Variants in RAB29 observed in about 807,000 individuals in gnomAD.
RAB29 encodes the protein ras-related protein Rab-29.
RAB29 carries 13 observed loss-of-function variants against 25.5 expected under a neutral mutation model. The ratio of observed to expected loss-of-function variants is 0.51; its 90% CI spans 0.33 to 0.81. The LOEUF is 0.81. Among genes scored for constraint, RAB29 ranks in the 30% least tolerant of loss-of-function variants. The probability of loss-of-function intolerance (pLI) is 0.02; values close to 1 mark genes in which losing one functional copy is unlikely to be tolerated. For synonymous variants in RAB29, 88 were observed against 95.0 expected (o/e 0.93, Z 0.43); for missense variants, 201 against 254.9 (o/e 0.79, Z 1.44).
At chr1:205,772,741 G>A (rs1223960047) in intron 2 of RAB29, among the ~76,000 whole-genome samples, 174 bp from the exon 3 acceptor site, 2 of 152,126 alleles carry the variant, frequency 1.3e-5, no homozygotes, top group Admixed American at 6.5e-5. Flanking sequence ...TTTAGTGTGA[G>A]ATGGATGATT....
At chr1:205,771,914 T>G (rs1227656383) in intron 3 of RAB29, among the ~76,000 whole-genome samples, 2 of 152,064 alleles carry the variant, frequency 1.3e-5, no homozygotes, top group East Asian at 3.9e-4. Flanking sequence ...GCTTCAGATT[T>G]CTCATTTGTA....
At chr1:205,774,553 A>T (rs1655200676) in intron 2 of RAB29, among the ~76,000 whole-genome samples, 1 of 152,122 alleles carries the variant, frequency 6.6e-6, no homozygotes, top group African/African-American at 2.4e-5. Context: ...GCAATTGCTC[A>T]TCCTCATCCT....
chr1:205,774,506 C>G (rs1255760036), intron 2 of RAB29, among the ~76,000 whole-genome samples: 1 of 152,210 alleles, frequency 6.6e-6, no homozygotes, highest in Non-Finnish European at 1.5e-5. Context: ...AGCTGAAAGG[C>G]TGGAGACTTA....
In RAB29 at chr1:205,772,484, C is replaced by G. The variant is rs769219121; in HGVS notation, c.196+12G>C. The G allele has an allele frequency of 6.2e-6, 10 of 1,612,696 alleles. No homozygotes were observed. The African/African-American group carries it at 1.1e-4, about 17-fold the overall frequency. On this transcript the variant is annotated intron_variant, in intron 3 of 5. Transcript: ENST00000367139. ...TTTCTTCCCTTGTTCCTATCTAGCC[C>G]TCCCACTTTACCTGCAATATCCCAC...
In RAB29 at chr1:205,768,285, C is replaced by A. The variant is rs776252270; in HGVS notation, c.*2057G>T. The stretch of plus-strand genomic sequence containing the variant: ...TCTTTCTTAGGGCAGTGGTTTTCAA[C>A]GTCTGTGTAGCAGAATCACCTGAAA... On this transcript the variant is annotated 3_prime_UTR_variant, in exon 6 of 6. Coordinates refer to ENST00000367139, the MANE Select transcript of RAB29 (RefSeq NM_003929.3). 1 of 152,156 alleles carries A rather than the reference C, an allele frequency of 6.6e-6. No individual in the cohort carries two copies. The highest frequency in any genetic ancestry group is 1.5e-5 in the Non-Finnish European group (1 of 68,028). 9.4% of individuals were successfully genotyped at this position (152,156 alleles called of 1,614,324 possible).
intron 3 of RAB29, 65 bp downstream of exon 3, chr1:205,772,431 T>C (rs1200274855): frequency 1.3e-6 from 2 of 1,523,066 alleles, no homozygotes; most frequent in East Asian, 2.3e-5. Context: ...CCCCATTTTT[T>C]CCTCAGAGCT....
At chr1:205,773,663 G>A (rs552750460) in intron 2 of RAB29, among the ~76,000 whole-genome samples, 2 of 152,096 alleles carry the variant, frequency 1.3e-5, no homozygotes, top group Admixed American at 1.3e-4. Flanking sequence ...TGGGACCACG[G>A]CTACTTTCTT....
At position 205,770,192 on chromosome 1, in the gene RAB29, G is replaced by A. The variant is rs1654915380; in HGVS notation, c.*150C>T. On this transcript the variant is annotated 3_prime_UTR_variant, in exon 6 of 6. Transcript: ENST00000367139. ...GATGCAGAAATGCACATGGGTTCCA[G>A]GTGTCTTTTCTAAGTGACAATGGGC... is the stretch of plus-strand genomic sequence containing the variant. The A allele has an allele frequency of 4.3e-6, 3 of 690,074 alleles. No individual in the cohort carries two copies. The highest frequency in any genetic ancestry group is 2.3e-5 in the Admixed American group (1 of 43,980). The allele number at this position is 690,074 out of a possible 1,614,324, so 42.7% of individuals were successfully genotyped here. A position where few individuals can be genotyped will look rare whatever the true frequency, so the allele number is the denominator to read the frequency against.
rs751655293 is a variant in RAB29, at chr1:205,774,408, G to A, written c.124+425C>T. Among the ~76,000 whole-genome samples the A allele has an allele frequency of 2.6e-5, 4 of 152,162 alleles. No homozygotes were observed. In the South Asian group the frequency reaches 8.3e-4, roughly 32 times the overall value. On this transcript the variant is annotated intron_variant, in intron 2 of 5. Transcript: ENST00000367139. ...CTTGCGGTTCCTCCCTCAACAGAGG[G>A]GCAGGACTACAGCCCCAGCCGGCAC...
chr1:205,772,607 T>A (rs755267447), intron 2 of RAB29, 40 bp from the exon 3 acceptor site: 15 of 1,565,156 alleles, frequency 9.6e-6, no homozygotes. Context: ...AAAATTTCAC[T>A]GTAAAAAATT....
rs1315097662 is a variant in RAB29 at position 205,770,427 on chromosome 1, T to A, written c.527A>T (p.Asn176Ile). 6.2e-7 allele frequency: 1 copy of A among 1,614,052 alleles called. No homozygotes were observed. The highest frequency in any genetic ancestry group is 1.3e-5 in the African/African-American group (1 of 74,932). ...MRVLIEKMMR[N>I]STEDIMSLST... Reference sequence around the variant, plus strand: ...CAAAGACATGATATCTTCTGTGGAATTTCTCATCATCTTTTCAATGAGGAC... The same window carrying A: ...CAAAGACATGATATCTTCTGTGGAAATTCTCATCATCTTTTCAATGAGGAC... Residue 176 changes from asparagine to isoleucine, a missense_variant, in exon 6 of 6, where the codon AAT becomes ATT. Transcript: ENST00000367139.
At chr1:205,773,873 T>G (rs532859815) in intron 2 of RAB29, among the ~76,000 whole-genome samples, 99 of 152,330 alleles carry the variant, frequency 6.5e-4, no homozygotes, top group Non-Finnish European at 7.3e-5. Flanking sequence ...TTTTTAAACT[T>G]CCATATGAAC....
intron 3 of RAB29, 26 bp downstream of exon 3, chr1:205,772,470 G>C: frequency 1.2e-6 from 2 of 1,604,758 alleles, no homozygotes; most frequent in Non-Finnish European, 1.7e-6. Flanking sequence ...TTCTTCCCTT[G>C]TTCCTATCTA....
chr1:205,771,765 T>C, intron 3 of RAB29, 112 bp from the exon 4 acceptor site: 1 of 1,085,396 alleles, frequency 9.2e-7, no homozygotes, highest in Non-Finnish European at 1.4e-6. Flanking sequence ...ACTTTCCCCC[T>C]CTGACTCTTG....
intron 2 of RAB29, 42 bp downstream of exon 2, chr1:205,774,791 C>T: frequency 6.8e-7 from 1 of 1,468,878 alleles, no homozygotes; most frequent in South Asian, 1.2e-5. Flanking sequence ...CGGTCGGGGC[C>T]TCCTCCTCCC....
chr1:205,771,037 G>A (rs1194368334), intron 4 of RAB29, 183 bp from the exon 5 acceptor site: 13 of 779,586 alleles, frequency 1.7e-5, no homozygotes, highest in East Asian at 1.3e-4. Flanking sequence ...AGTGGCTCAC[G>A]CCTGTAATCC....
Position 205,770,054 on chromosome 1 carries a change from A to T in RAB29, c.*288T>A, listed in dbSNP as rs1028578948. 9 of 464,672 alleles carry T rather than the reference A, an allele frequency of 1.9e-5. No homozygotes were observed. The highest frequency in any genetic ancestry group is 3.7e-5 in the Admixed American group (1 of 27,258). 28.8% of individuals were successfully genotyped at this position (464,672 alleles called of 1,614,324 possible). On this transcript the variant is annotated 3_prime_UTR_variant, in exon 6 of 6. Coordinates refer to ENST00000367139, the MANE Select transcript of RAB29 (RefSeq NM_003929.3). ...TCTAAAACGCAGGTGCTGATTTCTA[A>T]TCCTTCTCATAAAATTCCGGATCAC...
chr1:205,770,805 C>T lies in RAB29; in HGVS notation c.428G>A (p.Ser143Asn), dbSNP rs1654953840. Reference protein sequence around the residue: ...AVSRDQIDRFSKENGFTGWTE... With the variant: ...AVSRDQIDRFNKENGFTGWTE... ...CCAACCTGTGAAACCGTTCTCTTTA[C>T]TGAACCGGTCAATCTGGTCCCGGCT... Residue 143 changes from serine to asparagine, a missense_variant, in exon 5 of 6, where the codon AGT becomes AAT. Physicochemically the swap from Ser to Asn is conservative, Grantham distance 46. Coordinates refer to ENST00000367139, the MANE Select transcript of RAB29 (RefSeq NM_003929.3). 6.2e-7 allele frequency: 1 copy of T among 1,614,188 alleles called. No individual in the cohort carries two copies. The highest frequency in any genetic ancestry group is 8.5e-7 in the Non-Finnish European group (1 of 1,180,028).
In RAB29 at chr1:205,774,840, C is replaced by A; in HGVS notation, c.117G>T (p.Thr39=). The A allele has an allele frequency of 1.9e-6, 3 of 1,611,920 alleles. No individual in the cohort carries two copies. The highest frequency in any genetic ancestry group is 1.1e-5 in the South Asian group (1 of 90,692). ...ACCCCCGAGACGTCTCACCTCCCAC[C>A]GTGGACTTGTAGTGTTTGCTGAAGC... is the stretch of plus-strand genomic sequence containing the variant. ...QDSFSKHYKS[T]VGVDFALKVL... The change falls in exon 2 of 6, where the codon ACG becomes ACT. Residue 39 remains threonine (T), a synonymous_variant. Coordinates refer to ENST00000367139, the MANE Select transcript of RAB29 (RefSeq NM_003929.3).
Sources: gnomAD v4.1 joint callset for allele counts (sites outside exome capture counted in the v4.1 genomes callset) on GRCh38, gnomAD v4.1.1 for gene constraint, MANE v1.5 for transcripts, NCBI Gene and HGNC (gene_info 2026-07-23, HGNC 2026-07-21) for gene names.